The following RBM28 variants were observed in gnomAD, a reference collection of about 807,000 sequenced individuals.
RBM28 encodes the protein RNA binding motif protein 28, also known as RNA-binding protein 28.
RBM28 carries 78 observed loss-of-function variants against 98.3 expected under a neutral mutation model. The observed-to-expected ratio is 0.79, with a 90% confidence interval of 0.66 to 0.96. The LOEUF (loss-of-function observed/expected upper bound fraction) is 0.96, where lower values mean the gene tolerates loss of function less well. Ranked by LOEUF, RBM28 falls within the 40% of genes least tolerant of loss-of-function variation. RBM28 has a pLI of 0.00. For missense variants in RBM28, 838 were observed against 913.0 expected, an observed-to-expected ratio of 0.92 and a Z score of 1.06; for synonymous variants, 306 against 330.9, an observed-to-expected ratio of 0.92 and a Z score of 0.82.
Position 128,305,262 on chromosome 7 carries a change from G to T in RBM28, c.*5535C>A, listed in dbSNP as rs910356118. On this transcript the variant is annotated 3_prime_UTR_variant, in exon 19 of 19. Coordinates refer to ENST00000223073, the MANE Select transcript of RBM28 (RefSeq NM_018077.3). Reference sequence around the variant, plus strand: ...GCCCCTCCCTCCACTTGAGTTGCCAGGTTCTACGACAGGGTCTTCCCCACC... The same window carrying T: ...GCCCCTCCCTCCACTTGAGTTGCCATGTTCTACGACAGGGTCTTCCCCACC... The T allele has an allele frequency of 3.2e-4, 48 of 152,132 alleles. No individual in the cohort carries two copies. Among genetic ancestry groups the T allele is most frequent in the African/African-American group, 1.1e-3 (45 of 41,492 alleles). 9.4% of individuals were successfully genotyped at this position (152,132 alleles called of 1,614,324 possible).
intron 1 of RBM28, among the ~76,000 whole-genome samples, chr7:128,342,064 TAGG>T (rs1322741700): frequency 6.6e-6 from 1 of 151,514 alleles, no homozygotes; most frequent in East Asian, 2.0e-4. Context: ...GAGGCTGAAG[TAGG>T]AGGATTGCTT....
At chr7:128,311,004 C>G in intron 18 of RBM28, 73 bp from the exon 19 acceptor site, 1 of 1,477,324 alleles carries the variant, frequency 6.8e-7, no homozygotes, top group Non-Finnish European at 9.4e-7. Flanking sequence ...CTCAGGCCAC[C>G]CAAGAGAGAA....
intron 12 of RBM28, 61 bp from the exon 13 acceptor site, chr7:128,323,652 G>T: frequency 1.3e-6 from 2 of 1,580,376 alleles, no homozygotes; most frequent in Non-Finnish European, 1.7e-6. Flanking sequence ...AGCAACAAGA[G>T]GAATGTGATT....
intron 1 of RBM28, chr7:128,341,257 T>C (rs992419011): frequency 7.7e-5 from 85 of 1,104,306 alleles, no homozygotes; most frequent in Admixed American, 4.6e-4. Context: ...TTCTCTTCTC[T>C]TGAACTCCTT....
At chr7:128,315,210 G>T (rs974732669) in intron 16 of RBM28, among the ~76,000 whole-genome samples, 190 bp from the exon 17 acceptor site, 2 of 152,114 alleles carry the variant, frequency 1.3e-5, no homozygotes, top group African/African-American at 4.8e-5. Flanking sequence ...GTTACTGGGT[G>T]GGGGGCACAA....
intron 9 of RBM28, among the ~76,000 whole-genome samples, chr7:128,332,798 T>C (rs2116373901): frequency 6.6e-6 from 1 of 152,296 alleles, no homozygotes; most frequent in East Asian, 1.9e-4. Context: ...CAGCAATCTA[T>C]TGCAGTCAGT....
chr7:128,322,457 T>G (rs1796258061), intron 13 of RBM28, among the ~76,000 whole-genome samples: 1 of 152,206 alleles, frequency 6.6e-6, no homozygotes, highest in African/African-American at 2.4e-5. Flanking sequence ...CTGCTGCTTC[T>G]TGTTTGGTAA....
intron 18 of RBM28, among the ~76,000 whole-genome samples, chr7:128,312,890 A>T (rs75613722): frequency 0.024 from 3,714 of 152,292 alleles, 133 homozygotes; most frequent in African/African-American, 0.085. Flanking sequence ...AGACGCATTT[A>T]CATGTGAAAT....
intron 10 of RBM28, among the ~76,000 whole-genome samples, 195 bp downstream of exon 10, chr7:128,330,624 A>G (rs359649): frequency 0.69 from 104,875 of 151,972 alleles, 37,368 homozygotes; most frequent in African/African-American, 0.87. Flanking sequence ...TGCCTGCCTC[A>G]GCCTCCCAAA....
In RBM28 at chr7:128,297,992, T is replaced by TG. The variant is rs1469751069; in HGVS notation, c.*12804dup. The TG allele has an allele frequency of 1.3e-5, 1 of 75,898 alleles. No individual in the cohort carries two copies. The highest frequency in any genetic ancestry group is 2.4e-5 in the Non-Finnish European group (1 of 41,778). 4.7% of individuals were successfully genotyped at this position (75,898 alleles called of 1,614,324 possible). A position where few individuals can be genotyped will look rare whatever the true frequency, so the allele number is the denominator to read the frequency against. On this transcript the variant is annotated 3_prime_UTR_variant, in exon 19 of 19. Coordinates refer to ENST00000223073, the MANE Select transcript of RBM28 (RefSeq NM_018077.3). ...TCACACTCTGGGGACTATTGAGGGG[T>TG]GGGGGGAGGGGGGAGGGATAGCATT...
chr7:128,315,118 A>C (rs778916919), intron 16 of RBM28, 98 bp from the exon 17 acceptor site: 39 of 1,535,350 alleles, frequency 2.5e-5, no homozygotes, highest in Non-Finnish European at 3.1e-5. Flanking sequence ...AGATGAAAGA[A>C]GAGGAATTCT....
chr7:128,312,522 G>A (rs1016469152), intron 18 of RBM28, among the ~76,000 whole-genome samples: 1 of 152,074 alleles, frequency 6.6e-6, no homozygotes, highest in Non-Finnish European at 1.5e-5. Context: ...AGAAGCAAAT[G>A]GCTAAATTAA....
intron 1 of RBM28, 26 bp downstream of exon 1, chr7:128,343,650 C>A: frequency 1.9e-6 from 3 of 1,575,196 alleles, no homozygotes; most frequent in South Asian, 1.1e-5. Context: ...AAACCCCAGC[C>A]CTATCCTCGA....
chr7:128,327,352 C>T (rs1031163196), intron 10 of RBM28, among the ~76,000 whole-genome samples: 4 of 152,254 alleles, frequency 2.6e-5, no homozygotes, highest in Non-Finnish European at 4.4e-5. Context: ...GTAAAAGTCT[C>T]TGTCCTCTAC....
At chr7:128,339,843 G>GA (rs749954165) in intron 1 of RBM28, 52 bp from the exon 2 acceptor site, 549 of 1,572,746 alleles carry the variant, frequency 3.5e-4, no homozygotes, top group Non-Finnish European at 4.3e-4. Flanking sequence ...AAAGGAGAGA[G>GA]AATCATAAGC....
rs1004689453 is a variant in RBM28, at chr7:128,320,794, G to C, written c.1563+472C>G. Among the ~76,000 whole-genome samples, 7 of 152,338 alleles carry C rather than the reference G, an allele frequency of 4.6e-5. 1 individual carries two copies. The South Asian group carries it at 1.5e-3, about 32-fold the overall frequency. ...TGCTGTAATTCAGTCAGATGTAAAAGACAATTCTTAGAAGAAAAAGAACAA... is the reference window on the plus strand; with the variant it reads ...TGCTGTAATTCAGTCAGATGTAAAACACAATTCTTAGAAGAAAAAGAACAA... On this transcript the variant is annotated intron_variant, in intron 14 of 18. Coordinates refer to ENST00000223073, the MANE Select transcript of RBM28 (RefSeq NM_018077.3).
Position 128,305,450 on chromosome 7 carries a change from G to A in RBM28, c.*5347C>T, listed in dbSNP as rs1795847590. On this transcript the variant is annotated 3_prime_UTR_variant, in exon 19 of 19. Transcript: ENST00000223073. ...AGGCGGCAGAGAACTAGGGAGACAG[G>A]TCGAGAGTAAGGAGATGAAGGGACA... The A allele has an allele frequency of 6.6e-6, 1 of 152,252 alleles. No homozygotes were observed. The highest frequency in any genetic ancestry group is 2.1e-4 in the South Asian group (1 of 4,828). 9.4% of individuals were successfully genotyped at this position (152,252 alleles called of 1,614,324 possible). A position where few individuals can be genotyped will look rare whatever the true frequency, so the allele number is the denominator to read the frequency against.
chr7:128,341,394 A>T (rs191759080), intron 1 of RBM28, among the ~76,000 whole-genome samples: 20 of 152,386 alleles, frequency 1.3e-4, no homozygotes, highest in Admixed American at 1.2e-3. Context: ...ATGAAAGGAC[A>T]TACAGTAAAT....
rs868850462 is a variant in RBM28 at position 128,329,845 on chromosome 7, C to T, written c.1129+974G>A. On this transcript the variant is annotated intron_variant, in intron 10 of 18. Coordinates refer to ENST00000223073, the MANE Select transcript of RBM28 (RefSeq NM_018077.3). The stretch of plus-strand genomic sequence containing the variant: ...CGGAGCTTGCAGTGAGCCGAGATGG[C>T]GCCACTGCACTCCAGCCTGGGCAAC... 1.1e-4 allele frequency among the ~76,000 whole-genome samples: 15 copies of T among 140,992 alleles called. 1 individual carries two copies. The highest frequency in any genetic ancestry group is 2.3e-4 in the South Asian group (1 of 4,268). The allele number at this position is 140,992 out of a possible 152,430, so 92.5% of individuals were successfully genotyped here.
Sources: allele counts gnomAD v4.1 joint callset (sites outside exome capture counted in the v4.1 genomes callset), GRCh38; gene constraint gnomAD v4.1.1; transcripts MANE v1.5; gene names NCBI Gene and HGNC (gene_info 2026-07-23, HGNC 2026-07-21).